PTPRD: variants seen among roughly 807,000 people sequenced by gnomAD.
The protein encoded by PTPRD is protein tyrosine phosphatase receptor type D, also known as receptor-type tyrosine-protein phosphatase delta.
PTPRD carries 34 observed loss-of-function variants against 214.5 expected under a neutral mutation model. The ratio of observed to expected loss-of-function variants is 0.16; its 90% CI spans 0.12 to 0.21. The LOEUF (loss-of-function observed/expected upper bound fraction) is 0.21. Among genes scored for constraint, PTPRD ranks in the 10% least tolerant of loss-of-function variants. The pLI is 1.00. For missense variants in PTPRD, 2,545 were observed against 2,398.7 expected, an observed-to-expected ratio of 1.06 and a Z score of -1.27; for synonymous variants, 1,128 against 845.7, an observed-to-expected ratio of 1.33 and a Z score of -5.79.
intron 3 of PTPRD, among the ~76,000 whole-genome samples, chr9:10,287,147 C>T (rs2095383164): frequency 6.6e-6 from 1 of 152,302 alleles, no homozygotes; most frequent in Non-Finnish European, 1.5e-5. Context: ...AAGATGGTTT[C>T]TATAGTTTAG....
chr9:8,671,681 T>G (rs992516766), intron 12 of PTPRD, among the ~76,000 whole-genome samples: 1 of 152,156 alleles, frequency 6.6e-6, no homozygotes, highest in Admixed American at 6.5e-5. Context: ...TAAAGAGGCA[T>G]AGACCTAAAA....
intron 9 of PTPRD, among the ~76,000 whole-genome samples, chr9:9,233,224 G>C (rs4742568): frequency 0.87 from 132,290 of 152,124 alleles, 58,200 homozygotes; most frequent in Non-Finnish European, 0.94. Flanking sequence ...CACCTCTTCT[G>C]AGGGTGGCAG....
chr9:10,099,033 C>T (rs2098524585), intron 3 of PTPRD, among the ~76,000 whole-genome samples: 1 of 151,774 alleles, frequency 6.6e-6, no homozygotes, highest in Non-Finnish European at 1.5e-5. Flanking sequence ...ACATTCTAAG[C>T]TGCGCTCAGT....
At chr9:8,425,424 A>G (rs2094596856) in intron 35 of PTPRD, among the ~76,000 whole-genome samples, 1 of 142,240 alleles carries the variant, frequency 7.0e-6, no homozygotes. Context: ...CACCTTTCAC[A>G]CCTCACCTCT....
Position 10,114,978 on chromosome 9 carries a change from T to C in PTPRD, c.-544-81188A>G, listed in dbSNP as rs114411839. Among the ~76,000 whole-genome samples the C allele has an allele frequency of 1.3e-3, 190 of 151,692 alleles. 1 individual carries two copies. Among genetic ancestry groups the C allele is most frequent in the African/African-American group, 4.4e-3 (182 of 41,386 alleles). On this transcript the variant is annotated intron_variant, in intron 3 of 45. Transcript: ENST00000381196. ...TTACCCTGCTTGAAAGTTTATTACT[T>C]TTTAAAGGGAGGGGTTCATCAGCTT...
chr9:9,253,478 T>C (rs1289222466), intron 9 of PTPRD, among the ~76,000 whole-genome samples: 1 of 149,012 alleles, frequency 6.7e-6, no homozygotes, highest in African/African-American at 2.4e-5. Flanking sequence ...GAATCATATT[T>C]TTGAGCTTGA....
intron 11 of PTPRD, among the ~76,000 whole-genome samples, chr9:8,760,416 C>A (rs1448457446): frequency 1.3e-5 from 2 of 151,998 alleles, no homozygotes; most frequent in Non-Finnish European, 2.9e-5. Flanking sequence ...TTAAACAATT[C>A]TTTGTTATGA....
At chr9:10,150,158 GATATTTTCAAAGAATTATTTGTA>G (rs1256831270) in intron 3 of PTPRD, among the ~76,000 whole-genome samples, 1 of 152,094 alleles carries the variant, frequency 6.6e-6, no homozygotes, top group Non-Finnish European at 1.5e-5. Context: ...TATGTTTAAA[GATATTTTCAAAGAATTATTTGTA>G]ATAGTGAGGA....
chr9:9,837,266 G>C (rs2057035014), intron 5 of PTPRD, among the ~76,000 whole-genome samples: 1 of 152,118 alleles, frequency 6.6e-6, no homozygotes. Context: ...GCTGACACTA[G>C]GTGAGTGATG....
rs1596335035 is a variant in PTPRD, at chr9:9,358,872, G to A, written c.-203+38577C>T. Among the ~76,000 whole-genome samples the A allele has an allele frequency of 2.0e-5, 3 of 151,416 alleles. No homozygotes were observed. In the South Asian group the frequency reaches 6.2e-4, roughly 31 times the overall value. Reference sequence around the variant, plus strand: ...ACTCAAGGCGAGACGAACCAACTCTGAGAAGCCCACAATCAAAGTTGATTG... The same window carrying A: ...ACTCAAGGCGAGACGAACCAACTCTAAGAAGCCCACAATCAAAGTTGATTG... On this transcript the variant is annotated intron_variant, in intron 9 of 45. Coordinates refer to ENST00000381196, the MANE Select transcript of PTPRD (RefSeq NM_002839.4).
At chr9:9,544,234 C>A (rs1363015427) in intron 8 of PTPRD, among the ~76,000 whole-genome samples, 1 of 151,444 alleles carries the variant, frequency 6.6e-6, no homozygotes, top group Non-Finnish European at 1.5e-5. Context: ...ACTATAAGAA[C>A]CAAATGTGAA....
intron 11 of PTPRD, among the ~76,000 whole-genome samples, chr9:8,972,879 T>A (rs2099246847): frequency 6.6e-6 from 1 of 151,976 alleles, no homozygotes; most frequent in South Asian, 2.1e-4. Context: ...GGAAACACAT[T>A]CCTATTCTAG....
chr9:8,718,857 G>A (rs1397794177), intron 12 of PTPRD, among the ~76,000 whole-genome samples: 2 of 152,162 alleles, frequency 1.3e-5, no homozygotes, highest in Non-Finnish European at 2.9e-5. Context: ...GCACGATGGA[G>A]CGTAGTGTTA....
chr9:9,225,966 G>A (rs560206390), intron 9 of PTPRD, among the ~76,000 whole-genome samples: 1 of 151,988 alleles, frequency 6.6e-6, no homozygotes, highest in South Asian at 2.1e-4. Context: ...TATATTTTTT[G>A]TTTTCAGGAG....
chr9:8,797,734 A>G (rs1282710901), intron 11 of PTPRD, among the ~76,000 whole-genome samples: 1 of 152,146 alleles, frequency 6.6e-6, no homozygotes, highest in African/African-American at 2.4e-5. Context: ...TGTATTAAAG[A>G]TATTTGCATA....
At chr9:9,090,650 C>T (rs2099774146) in intron 10 of PTPRD, among the ~76,000 whole-genome samples, 1 of 152,114 alleles carries the variant, frequency 6.6e-6, no homozygotes, top group Non-Finnish European at 1.5e-5. Context: ...TAGTTGGCAG[C>T]CTGGCACTTT....
At chr9:9,349,765 T>C (rs1169404755) in intron 9 of PTPRD, among the ~76,000 whole-genome samples, 1 of 152,016 alleles carries the variant, frequency 6.6e-6, no homozygotes, top group East Asian at 1.9e-4. Flanking sequence ...ATGTTTTTTT[T>C]TTGTGCTATA....
intron 2 of PTPRD, among the ~76,000 whole-genome samples, chr9:10,538,338 G>C (rs2058354448): frequency 6.6e-6 from 1 of 151,760 alleles, no homozygotes; most frequent in Admixed American, 6.6e-5. Context: ...AGATGATGAA[G>C]AAAAACATTT....
Position 9,965,218 on chromosome 9 carries a change from A to G in PTPRD, c.-471-26608T>C, listed in dbSNP as rs16924761. On this transcript the variant is annotated intron_variant, in intron 4 of 45. Coordinates refer to ENST00000381196, the MANE Select transcript of PTPRD (RefSeq NM_002839.4). The stretch of plus-strand genomic sequence containing the variant: ...AGAACCATAGAATCATGAAAAATAA[A>G]CTGCTGTGGAACCTCAGGTTGGGGT... 7.0e-3 allele frequency among the ~76,000 whole-genome samples: 1,059 copies of G among 152,238 alleles called. 14 individuals carry two copies. The highest frequency in any genetic ancestry group is 0.035 in the East Asian group (182 of 5,160).
Sources: allele counts gnomAD v4.1 joint callset (sites outside exome capture counted in the v4.1 genomes callset), GRCh38; gene constraint gnomAD v4.1.1; transcripts MANE v1.5; gene names NCBI Gene and HGNC (gene_info 2026-07-23, HGNC 2026-07-21).